TSPAN5: variants seen among roughly 807,000 people sequenced by gnomAD.
The protein encoded by TSPAN5 is tetraspanin-5.
A neutral mutation model predicts 37.1 loss-of-function variants in TSPAN5; 10 were observed. The observed-to-expected ratio is 0.27, with a 90% CI of 0.17 to 0.46. The LOEUF (loss-of-function observed/expected upper bound fraction) is 0.46, where lower values mean the gene tolerates loss of function less well. Among genes scored for constraint, TSPAN5 ranks in the 20% least tolerant of loss-of-function variants. The pLI, the probability that TSPAN5 is intolerant of heterozygous loss-of-function variation, is 1.00. For missense variants in TSPAN5, 195 were observed against 326.6 expected, an observed-to-expected ratio of 0.60 and a Z score of 3.11; for synonymous variants, 110 against 118.9, an observed-to-expected ratio of 0.93 and a Z score of 0.48.
chr4:98,477,192 G>A (rs1322064705), intron 5 of TSPAN5, among the ~76,000 whole-genome samples: 2 of 152,356 alleles, frequency 1.3e-5, no homozygotes, highest in East Asian at 3.9e-4. Flanking sequence ...GCACTGTGCG[G>A]CACCCGCTGG....
In TSPAN5 at chr4:98,643,344, T is replaced by C. The variant is rs143581807; in HGVS notation, c.81+14802A>G. ...TTTGTGTTGTACACTCTACAATGTT[T>C]GCACAATGATGAAATCCCATGACTC... On this transcript the variant is annotated intron_variant, in intron 1 of 7. Transcript: ENST00000305798. 4.2e-3 allele frequency among the ~76,000 whole-genome samples: 644 copies of C among 152,278 alleles called. 8 individuals are homozygous for C. The highest frequency in any genetic ancestry group is 0.026 in the Admixed American group (391 of 15,288).
chr4:98,557,821 C>G (rs1754786844), intron 1 of TSPAN5, among the ~76,000 whole-genome samples: 1 of 152,212 alleles, frequency 6.6e-6, no homozygotes, highest in Admixed American at 6.5e-5. Flanking sequence ...CTCTGTGGGT[C>G]TTCCCCTAGT....
At chr4:98,550,244 G>C (rs9990571) in intron 1 of TSPAN5, among the ~76,000 whole-genome samples, 14,841 of 151,988 alleles carry the variant, frequency 0.098, 1,283 homozygotes, top group African/African-American at 0.23. Context: ...TGATCTATGT[G>C]TCTATTTTTA....
rs1237999993 is a variant in TSPAN5 at position 98,586,662 on chromosome 4, A to G, written c.81+71484T>C. Reference sequence around the variant, plus strand: ...GTTTCCAAAATACAAAACTCCAAAGAGAGTTTGTTACAGTTAATCAAGCGA... The same window carrying G: ...GTTTCCAAAATACAAAACTCCAAAGGGAGTTTGTTACAGTTAATCAAGCGA... On this transcript the variant is annotated intron_variant, in intron 1 of 7. Coordinates refer to ENST00000305798, the MANE Select transcript of TSPAN5 (RefSeq NM_005723.4). Among the ~76,000 whole-genome samples, 7 of 152,244 alleles carry G rather than the reference A, an allele frequency of 4.6e-5. No homozygotes were observed. In the East Asian group the frequency reaches 1.3e-3, roughly 29 times the overall value.
chr4:98,554,556 C>A (rs1754695959), intron 1 of TSPAN5, among the ~76,000 whole-genome samples: 1 of 152,216 alleles, frequency 6.6e-6, no homozygotes, highest in African/African-American at 2.4e-5. Context: ...GGAATAATAA[C>A]TTTTAAAATC....
chr4:98,505,085 C>T (rs932445416), intron 2 of TSPAN5, among the ~76,000 whole-genome samples: 8 of 152,024 alleles, frequency 5.3e-5, no homozygotes, highest in Admixed American at 2.6e-4. Context: ...ATTACCTCCC[C>T]GCCAAAGCTT....
At chr4:98,569,476 G>C (rs936499477) in intron 1 of TSPAN5, among the ~76,000 whole-genome samples, 4 of 152,190 alleles carry the variant, frequency 2.6e-5, no homozygotes, top group African/African-American at 9.7e-5. Context: ...CCTATTAGAA[G>C]GGATGTGGGA....
intron 3 of TSPAN5, chr4:98,484,357 A>G: frequency 2.3e-6 from 1 of 438,562 alleles, no homozygotes; most frequent in Non-Finnish European, 4.5e-6. Context: ...CTTTAGAGCT[A>G]TTTGGAGTCC....
At chr4:98,504,820 G>A (rs1212350322) in intron 2 of TSPAN5, among the ~76,000 whole-genome samples, 1 of 152,092 alleles carries the variant, frequency 6.6e-6, no homozygotes, top group East Asian at 1.9e-4. Context: ...TTTGAACTCA[G>A]GTCTGTTTAC....
Position 98,626,860 on chromosome 4 carries a change from C to T in TSPAN5, c.81+31286G>A, listed in dbSNP as rs373844889. 1.8e-3 allele frequency among the ~76,000 whole-genome samples: 259 copies of T among 144,036 alleles called. 1 individual carries two copies. In the Middle Eastern group the frequency reaches 0.033, roughly 19 times the overall value. 94.5% of individuals were successfully genotyped at this position (144,036 alleles called of 152,430 possible). A position where few individuals can be genotyped will look rare whatever the true frequency, so the allele number is the denominator to read the frequency against. On this transcript the variant is annotated intron_variant, in intron 1 of 7. Coordinates refer to ENST00000305798, the MANE Select transcript of TSPAN5 (RefSeq NM_005723.4). The stretch of plus-strand genomic sequence containing the variant: ...CTTGTTGGTTATCTGTTACCCTCCA[C>T]TAAAATGTAAGCTTCATGAGAGCAG...
intron 1 of TSPAN5, among the ~76,000 whole-genome samples, chr4:98,608,751 C>T (rs767217222): frequency 2.6e-5 from 4 of 152,134 alleles, no homozygotes; most frequent in Non-Finnish European, 4.4e-5. Flanking sequence ...CCACTAAAAA[C>T]CTCACTGTGT....
At chr4:98,490,551 GCAAA>G (rs768363416) in intron 2 of TSPAN5, among the ~76,000 whole-genome samples, 81 of 152,288 alleles carry the variant, frequency 5.3e-4, no homozygotes, top group Admixed American at 9.8e-4. Context: ...AGATAGAGCT[GCAAA>G]CAGATACTAC....
intron 1 of TSPAN5, among the ~76,000 whole-genome samples, chr4:98,561,561 C>A (rs761982195): frequency 2.2e-4 from 34 of 152,086 alleles, no homozygotes; most frequent in African/African-American, 8.2e-4. Context: ...TTTATGACAG[C>A]GACACTTTAA....
At chr4:98,653,250 G>GC (rs958224690) in intron 1 of TSPAN5, among the ~76,000 whole-genome samples, 6 of 151,930 alleles carry the variant, frequency 3.9e-5, no homozygotes, top group East Asian at 1.9e-4. Flanking sequence ...CCTACTTGAT[G>GC]CCCCCCCTCC....
chr4:98,486,869 T>C lies in TSPAN5; in HGVS notation c.148A>G (p.Ile50Val), dbSNP rs1354291878. The C allele has an allele frequency of 6.2e-7, 1 of 1,613,672 alleles. No individual in the cohort carries two copies. The highest frequency in any genetic ancestry group is 1.3e-5 in the African/African-American group (1 of 74,818). Residue 50 changes from isoleucine to valine, a missense_variant, in exon 3 of 8, where the codon ATC becomes GTC. Coordinates refer to ENST00000305798, the MANE Select transcript of TSPAN5 (RefSeq NM_005723.4). ...CCGCCGAGATCGGTGATGGAAGAGA[T>C]GTTGGACAGAACTCCCTGGGAGCAG... is the stretch of plus-strand genomic sequence containing the variant. ...AWNEKGVLSN[I>V]SSITDLGGFD...
At chr4:98,573,576 G>C (rs1380381198) in intron 1 of TSPAN5, among the ~76,000 whole-genome samples, 1 of 152,180 alleles carries the variant, frequency 6.6e-6, no homozygotes, top group Non-Finnish European at 1.5e-5. Context: ...CTATTCTAAA[G>C]TAGATAACAA....
At chr4:98,554,328 GA>G (rs1754690094) in intron 1 of TSPAN5, among the ~76,000 whole-genome samples, 1 of 152,160 alleles carries the variant, frequency 6.6e-6, no homozygotes, top group Non-Finnish European at 1.5e-5. Flanking sequence ...GAAACTATTT[GA>G]AAACATGAAC....
intron 1 of TSPAN5, among the ~76,000 whole-genome samples, chr4:98,557,780 T>C (rs1754786151): frequency 6.6e-6 from 1 of 152,230 alleles, no homozygotes. Context: ...TGACAGGATG[T>C]ACCCCTGATA....
intron 1 of TSPAN5, among the ~76,000 whole-genome samples, chr4:98,546,611 T>G (rs1754477387): frequency 6.6e-6 from 1 of 152,180 alleles, no homozygotes; most frequent in Admixed American, 6.5e-5. Context: ...TCATAAAGTT[T>G]TAAGGCCACA....
Sources: gnomAD v4.1 joint callset for allele counts (sites outside exome capture counted in the v4.1 genomes callset) on GRCh38, gnomAD v4.1.1 for gene constraint, MANE v1.5 for transcripts, NCBI Gene and HGNC (gene_info 2026-07-23, HGNC 2026-07-21) for gene names.